GRM7: variants seen among roughly 807,000 people sequenced by gnomAD.
GRM7 encodes the protein metabotropic glutamate receptor 7.
A neutral mutation model predicts 84.5 loss-of-function variants in GRM7; 35 were observed. That is an observed-to-expected ratio of 0.41 (90% confidence interval 0.32 to 0.55). GRM7 has a LOEUF of 0.55. GRM7 is among the 20% of genes least tolerant of loss of function. The probability of loss-of-function intolerance (pLI) is 0.19; values close to 1 mark genes in which losing one functional copy is unlikely to be tolerated. For missense variants in GRM7, 1,003 were observed against 1,194.6 expected, an observed-to-expected ratio of 0.84 and a Z score of 2.36; for synonymous variants, 487 against 455.1, an observed-to-expected ratio of 1.07 and a Z score of -0.89.
intron 7 of GRM7, among the ~76,000 whole-genome samples, chr3:7,543,227 G>C (rs547493849): frequency 2.0e-5 from 3 of 152,302 alleles, no homozygotes; most frequent in African/African-American, 7.2e-5. Flanking sequence ...TGTGCCTACT[G>C]CAAGGTACTT....
chr3:7,577,562 T>C (rs188015945), intron 7 of GRM7, among the ~76,000 whole-genome samples: 7 of 152,212 alleles, frequency 4.6e-5, no homozygotes, highest in African/African-American at 1.4e-4. Context: ...CACCCAACAG[T>C]AAAGTTTCCC....
chr3:7,542,544 C>T (rs1692932566), intron 7 of GRM7, among the ~76,000 whole-genome samples: 1 of 144,302 alleles, frequency 6.9e-6, no homozygotes, highest in Non-Finnish European at 1.5e-5. Context: ...GAGTTTCATG[C>T]ATAGCAATTT....
At chr3:7,580,364 G>A (rs1341356034) in intron 8 of GRM7, among the ~76,000 whole-genome samples, 1 of 152,114 alleles carries the variant, frequency 6.6e-6, no homozygotes, top group Non-Finnish European at 1.5e-5. Flanking sequence ...GGACATTGGG[G>A]GTCTAGTCTG....
chr3:7,497,107 G>T (rs77812408), intron 7 of GRM7, among the ~76,000 whole-genome samples: 2,132 of 138,790 alleles, frequency 0.015, 44 homozygotes, highest in African/African-American at 0.051. Flanking sequence ...TAGAACTTGT[G>T]GCCATGTCTA....
At chr3:6,953,281 C>T (rs781118565) in intron 1 of GRM7, among the ~76,000 whole-genome samples, 11 of 152,116 alleles carry the variant, frequency 7.2e-5, no homozygotes, top group Non-Finnish European at 1.6e-4. Flanking sequence ...CATTGTTCTC[C>T]ATCACCTAAA....
At chr3:7,359,617 C>T (rs115651336) in intron 4 of GRM7, among the ~76,000 whole-genome samples, 2,034 of 147,990 alleles carry the variant, frequency 0.014, 296 homozygotes, top group African/African-American at 0.05. Flanking sequence ...TTACCCAAAG[C>T]GCTGAGCCAC....
chr3:7,619,335 A>G (rs577292088), intron 8 of GRM7, among the ~76,000 whole-genome samples: 1 of 152,226 alleles, frequency 6.6e-6, no homozygotes, highest in African/African-American at 2.4e-5. Flanking sequence ...GTGTCAATAA[A>G]TGTTTAAATT....
intron 1 of GRM7, among the ~76,000 whole-genome samples, chr3:6,899,377 ATACTT>A (rs1399584012): frequency 6.6e-6 from 1 of 152,196 alleles, no homozygotes; most frequent in East Asian, 1.9e-4. Context: ...TGGGCATAAA[ATACTT>A]AATTGGACAA....
intron 9 of GRM7, among the ~76,000 whole-genome samples, chr3:7,699,877 G>T (rs1231184510): frequency 1.3e-5 from 2 of 152,070 alleles, no homozygotes; most frequent in African/African-American, 4.8e-5. Context: ...GCCAGTCTAG[G>T]GTCAGAGTTA....
At chr3:7,440,516 A>G (rs1044620473) in intron 5 of GRM7, among the ~76,000 whole-genome samples, 7 of 152,160 alleles carry the variant, frequency 4.6e-5, no homozygotes, top group African/African-American at 1.7e-4. Context: ...TTTTAATTTG[A>G]GTTTAGTTTC....
intron 2 of GRM7, among the ~76,000 whole-genome samples, chr3:7,204,492 T>C (rs1177786421): frequency 6.6e-6 from 1 of 152,102 alleles, no homozygotes; most frequent in Non-Finnish European, 1.5e-5. Flanking sequence ...CTGAGTCCAT[T>C]GTGGACAAAG....
In GRM7 at chr3:7,656,145, T is replaced by TTTCTA. The variant is rs1699168112; in HGVS notation, c.2452-23902_2452-23898dup. On this transcript the variant is annotated intron_variant, in intron 8 of 9. Coordinates refer to ENST00000357716, the MANE Select transcript of GRM7 (RefSeq NM_000844.4). ...GTATGTATCTTTACTTCAGATGTTC[T>TTTCTA]TTCTATCCTGTCCATAAATCAAAAC... 2.0e-5 allele frequency among the ~76,000 whole-genome samples: 3 copies of TTTCTA among 152,156 alleles called. No individual in the cohort carries two copies. The South Asian group carries it at 6.2e-4, about 32-fold the overall frequency.
At chr3:7,652,054 G>A (rs1698966724) in intron 8 of GRM7, among the ~76,000 whole-genome samples, 1 of 152,206 alleles carries the variant, frequency 6.6e-6, no homozygotes, top group East Asian at 1.9e-4. Context: ...ATTCAATCCT[G>A]AAGGGTAGTC....
At chr3:7,721,708 A>G (rs1405127826) in intron 9 of GRM7, among the ~76,000 whole-genome samples, 1 of 152,240 alleles carries the variant, frequency 6.6e-6, no homozygotes, top group African/African-American at 2.4e-5. Context: ...TCACATCACT[A>G]CAATGAGGTT....
At chr3:7,674,946 T>A (rs1700067817) in intron 8 of GRM7, among the ~76,000 whole-genome samples, 1 of 152,198 alleles carries the variant, frequency 6.6e-6, no homozygotes, top group Non-Finnish European at 1.5e-5. Flanking sequence ...ATACAGCCTA[T>A]CTGAAAACTA....
In GRM7 at chr3:6,946,850, G is replaced by A. The variant is rs183940616; in HGVS notation, c.519+84943G>A. ...GAGTTCACTCATGATTTGGCTCTCT[G>A]TTTGTCTGTTATTGCTGTATAAGAA... On this transcript the variant is annotated intron_variant, in intron 1 of 9. Transcript: ENST00000357716. 8.3e-3 allele frequency among the ~76,000 whole-genome samples: 1,269 copies of A among 152,214 alleles called. 15 individuals are homozygous for A. The highest frequency in any genetic ancestry group is 0.028 in the African/African-American group (1,167 of 41,512).
intron 1 of GRM7, among the ~76,000 whole-genome samples, chr3:6,972,948 A>G (rs945325193): frequency 3.9e-5 from 6 of 152,228 alleles, no homozygotes; most frequent in African/African-American, 1.4e-4. Flanking sequence ...TGATATATTC[A>G]TGGAATATTT....
intron 7 of GRM7, among the ~76,000 whole-genome samples, chr3:7,484,357 C>T (rs527296110): frequency 1.1e-4 from 17 of 152,122 alleles, no homozygotes; most frequent in Non-Finnish European, 4.4e-5. Context: ...TTCTTATTTC[C>T]AAGGTTCCAC....
intron 6 of GRM7, among the ~76,000 whole-genome samples, chr3:7,453,120 GTAGGTAC>G (rs1239452083): frequency 2.0e-5 from 3 of 151,222 alleles, no homozygotes; most frequent in Non-Finnish European, 4.4e-5. Context: ...AGCAGTTGCT[GTAGGTAC>G]CTCTGAATAT....
Sources: gnomAD v4.1 joint callset for allele counts (sites outside exome capture counted in the v4.1 genomes callset) on GRCh38, gnomAD v4.1.1 for gene constraint, MANE v1.5 for transcripts, NCBI Gene and HGNC (gene_info 2026-07-23, HGNC 2026-07-21) for gene names.